DPP4: variants seen among roughly 807,000 people sequenced by gnomAD.
DPP4 encodes the protein dipeptidyl peptidase 4.
In DPP4, 93 loss-of-function variants were observed where a neutral mutation model predicts 122.4. The observed-to-expected ratio is 0.76, with a 90% CI of 0.64 to 0.90. The LOEUF (loss-of-function observed/expected upper bound fraction) is 0.90. DPP4 is among the 40% of genes least tolerant of loss of function. The pLI is 0.00. For missense variants in DPP4, 914 were observed against 907.3 expected, an observed-to-expected ratio of 1.01 and a Z score of -0.09; for synonymous variants, 321 against 302.9, an observed-to-expected ratio of 1.06 and a Z score of -0.62.
At chr2:162,061,603 G>A (rs555519624) in intron 2 of DPP4, among the ~76,000 whole-genome samples, 18 of 152,162 alleles carry the variant, frequency 1.2e-4, no homozygotes, top group Admixed American at 1.2e-3. Context: ...CTTACAAATT[G>A]TAGGTATACA....
At chr2:162,029,078 A>T (rs1683450277) in intron 10 of DPP4, among the ~76,000 whole-genome samples, 1 of 152,236 alleles carries the variant, frequency 6.6e-6, no homozygotes, top group East Asian at 1.9e-4. Flanking sequence ...AATTAATTTT[A>T]TAAGGCAAAT....
chr2:162,042,070 T>C (rs1292167476), intron 5 of DPP4, among the ~76,000 whole-genome samples: 1 of 152,148 alleles, frequency 6.6e-6, no homozygotes, highest in East Asian at 1.9e-4. Context: ...AAGAGCATCA[T>C]AGCAAAGAGA....
At chr2:162,006,892 T>A (rs1356226383) in intron 22 of DPP4, among the ~76,000 whole-genome samples, 1 of 152,126 alleles carries the variant, frequency 6.6e-6, no homozygotes, top group African/African-American at 2.4e-5. Flanking sequence ...TTTACAAGTA[T>A]TTCAAAACTG....
chr2:162,029,819 A>C (rs1683478552), intron 10 of DPP4, among the ~76,000 whole-genome samples: 1 of 152,076 alleles, frequency 6.6e-6, no homozygotes, highest in Non-Finnish European at 1.5e-5. Context: ...AGGCCACAGA[A>C]TTTTTGGCAG....
In DPP4 at chr2:162,033,603, A is replaced by G; in HGVS notation, c.825T>C (p.Ser275=). 6.2e-7 allele frequency: 1 copy of G among 1,613,472 alleles called. No individual in the cohort carries two copies. ...AAGTTGCATTGGTGACTGAGCTGAG[A>G]GAGTCTGTATTTACAACAAAGAACT... The part of the protein sequence containing the change: ...TVKFFVVNTD[S]LSSVTNATSI... Residue 275 remains serine (S), a synonymous_variant, in exon 10 of 26, where the codon TCT becomes TCC. Transcript: ENST00000360534.
intron 23 of DPP4, among the ~76,000 whole-genome samples, chr2:162,005,358 G>A (rs188405673): frequency 3.5e-4 from 54 of 152,136 alleles, no homozygotes; most frequent in African/African-American, 1.3e-3. Flanking sequence ...TTATAGTCTC[G>A]TATATATATC....
At chr2:162,028,123 A>G (rs1430558178) in intron 10 of DPP4, among the ~76,000 whole-genome samples, 1 of 151,398 alleles carries the variant, frequency 6.6e-6, no homozygotes, top group African/African-American at 2.4e-5. Flanking sequence ...GCATTTTGGG[A>G]GGCCAACACA....
intron 2 of DPP4, among the ~76,000 whole-genome samples, chr2:162,060,542 T>C (rs143740164): frequency 2.0e-5 from 3 of 152,336 alleles, no homozygotes; most frequent in Admixed American, 6.5e-5. Context: ...GTTCTCTAGA[T>C]TTTAAATATT....
chr2:162,035,421 A>G (rs1576054836), intron 8 of DPP4, 97 bp from the exon 9 acceptor site: 1 of 1,115,824 alleles, frequency 9.0e-7, no homozygotes, highest in East Asian at 2.5e-5. Flanking sequence ...TAATTACAGT[A>G]GAGTTCAACT....
chr2:162,041,088 A>G (rs1368643157), intron 5 of DPP4, among the ~76,000 whole-genome samples: 1 of 152,132 alleles, frequency 6.6e-6, no homozygotes, highest in Non-Finnish European at 1.5e-5. Context: ...ATGAACAAGA[A>G]GAAAAATATA....
chr2:162,005,876 G>T (rs1701272498), intron 22 of DPP4, 67 bp from the exon 23 acceptor site: 5 of 1,244,800 alleles, frequency 4.0e-6, no homozygotes, highest in East Asian at 2.5e-5. Context: ...GCTTTTAATG[G>T]GCCACTTCAG....
chr2:162,027,909 C>G (rs1346174305), intron 10 of DPP4, among the ~76,000 whole-genome samples: 3 of 152,062 alleles, frequency 2.0e-5, no homozygotes, highest in Admixed American at 1.3e-4. Context: ...CTCCATGACC[C>G]CAGGTGTACT....
chr2:162,041,312 C>T (rs1683978832), intron 5 of DPP4, among the ~76,000 whole-genome samples: 1 of 152,044 alleles, frequency 6.6e-6, no homozygotes, highest in Non-Finnish European at 1.5e-5. Flanking sequence ...GAAATTGTAT[C>T]TTATTTATCT....
At chr2:162,067,869 A>T (rs1273953973) in intron 2 of DPP4, among the ~76,000 whole-genome samples, 3 of 152,196 alleles carry the variant, frequency 2.0e-5, no homozygotes, top group African/African-American at 4.8e-5. Flanking sequence ...TCACCAAGGC[A>T]TTTCTATAAA....
chr2:162,071,338 G>C (rs1363119298), intron 2 of DPP4, among the ~76,000 whole-genome samples: 1 of 152,088 alleles, frequency 6.6e-6, no homozygotes, highest in Non-Finnish European at 1.5e-5. Flanking sequence ...GCCCACAAAA[G>C]AAACCTCTTA....
chr2:162,022,218 G>A (rs1015898507), intron 12 of DPP4, among the ~76,000 whole-genome samples: 2 of 152,194 alleles, frequency 1.3e-5, no homozygotes, highest in Non-Finnish European at 2.9e-5. Flanking sequence ...ACAAGTCCCT[G>A]AGGGTCACCA....
Position 162,029,897 on chromosome 2 carries a change from G to C in DPP4, c.887+3644C>G, listed in dbSNP as rs897914397. Among the ~76,000 whole-genome samples the C allele has an allele frequency of 2.0e-5, 3 of 152,248 alleles. No homozygotes were observed. In the East Asian group the frequency reaches 5.8e-4, roughly 29 times the overall value. On this transcript the variant is annotated intron_variant, in intron 10 of 25. Coordinates refer to ENST00000360534, the MANE Select transcript of DPP4 (RefSeq NM_001935.4). Reference sequence around the variant, plus strand: ...AGTCTATCCATAGTGCTGGCAGCGTGAACCACTATTCTATACACACAAAGC... The same window carrying C: ...AGTCTATCCATAGTGCTGGCAGCGTCAACCACTATTCTATACACACAAAGC...
Position 162,005,772 on chromosome 2 carries a change from A to T in DPP4, c.2025T>A (p.Thr675=), listed in dbSNP as rs749723512. ...VYTERYMGLP[T]PEDNLDHYRN... is the part of the protein sequence containing the mutation. ...TGTAATGGTCAAGGTTGTCTTCTGG[A>T]GTTGGGAGACCCATGTAACGTTCTG... Residue 675 remains threonine (T), a synonymous_variant, in exon 23 of 26, where the codon ACT becomes ACA. Coordinates refer to ENST00000360534, the MANE Select transcript of DPP4 (RefSeq NM_001935.4). 1 of 1,613,104 alleles carries T rather than the reference A, an allele frequency of 6.2e-7. No individual in the cohort carries two copies. The highest frequency in any genetic ancestry group is 8.5e-7 in the Non-Finnish European group (1 of 1,179,514).
At chr2:162,053,100 T>C (rs190325666) in intron 2 of DPP4, among the ~76,000 whole-genome samples, 4 of 152,144 alleles carry the variant, frequency 2.6e-5, no homozygotes, top group Non-Finnish European at 5.9e-5. Context: ...AAGGGAAGAT[T>C]TGGAAAAGTC....
Sources: gnomAD v4.1 joint callset for allele counts (sites outside exome capture counted in the v4.1 genomes callset) on GRCh38, gnomAD v4.1.1 for gene constraint, MANE v1.5 for transcripts, NCBI Gene and HGNC (gene_info 2026-07-23, HGNC 2026-07-21) for gene names.